Variants in MDGA2 observed in about 807,000 individuals in gnomAD.
The protein encoded by MDGA2 is MAM domain-containing glycosylphosphatidylinositol anchor protein 2.
MDGA2 carries 40 observed loss-of-function variants against 117.8 expected under a neutral mutation model. The ratio of observed to expected loss-of-function variants is 0.34; its 90% CI spans 0.26 to 0.44. The LOEUF (loss-of-function observed/expected upper bound fraction) is 0.44, where lower values mean the gene tolerates loss of function less well. Among genes scored for constraint, MDGA2 ranks in the 20% least tolerant of loss-of-function variants. MDGA2 has a pLI of 1.00. For missense variants in MDGA2, 1,123 were observed against 1,250.6 expected, an observed-to-expected ratio of 0.90 and a Z score of 1.54; for synonymous variants, 452 against 439.0, an observed-to-expected ratio of 1.03 and a Z score of -0.37.
At chr14:46,924,741 C>G (rs180859953) in intron 9 of MDGA2, among the ~76,000 whole-genome samples, 4 of 151,770 alleles carry the variant, frequency 2.6e-5, no homozygotes, top group Admixed American at 6.6e-5. Context: ...ATAATTGACT[C>G]AAAACAAGAA....
chr14:46,918,901 A>G (rs1462760373), intron 10 of MDGA2, among the ~76,000 whole-genome samples: 1 of 151,732 alleles, frequency 6.6e-6, no homozygotes, highest in Non-Finnish European at 1.5e-5. Flanking sequence ...AGCTGGGACT[A>G]CAGGCGCCCG....
intron 16 of MDGA2, 73 bp downstream of exon 16, chr14:46,845,693 T>C: frequency 1.1e-6 from 1 of 905,128 alleles, no homozygotes; most frequent in Non-Finnish European, 1.6e-6. Flanking sequence ...TAAAATTAAT[T>C]AAATTAAATG....
rs562241978 is a variant in MDGA2 at position 46,911,456 on chromosome 14, C to A, written c.2238+8556G>T. Among the ~76,000 whole-genome samples, 20 of 152,276 alleles carry A rather than the reference C, an allele frequency of 1.3e-4. No individual in the cohort carries two copies. In the South Asian group the frequency reaches 4.1e-3, roughly 32 times the overall value. The stretch of plus-strand genomic sequence containing the variant: ...ATTGTTTCAGCTATTTTAGTTAAAT[C>A]TTTTAAATGTTGAAAAGCAGTCAGG... On this transcript the variant is annotated intron_variant, in intron 10 of 16. Coordinates refer to ENST00000399232, the MANE Select transcript of MDGA2 (RefSeq NM_001113498.3).
intron 7 of MDGA2, among the ~76,000 whole-genome samples, chr14:47,051,478 T>A (rs1566593977): frequency 6.6e-6 from 1 of 151,914 alleles, no homozygotes; most frequent in Non-Finnish European, 1.5e-5. Flanking sequence ...ACCTCACTGA[T>A]ATCTAACAAT....
At chr14:47,351,078 A>ATTTTTTCTTT (rs1890868180) in intron 1 of MDGA2, among the ~76,000 whole-genome samples, 1 of 127,948 alleles carries the variant, frequency 7.8e-6, no homozygotes, top group Non-Finnish European at 1.7e-5. Flanking sequence ...GGCCCGGCTA[A>ATTTTTTCTTT]TTTTTTTTTT....
At chr14:47,455,739 G>A (rs1594865792) in intron 1 of MDGA2, among the ~76,000 whole-genome samples, 1 of 146,370 alleles carries the variant, frequency 6.8e-6, no homozygotes, top group Non-Finnish European at 1.5e-5. Flanking sequence ...GCTCACGCCT[G>A]TAATCCCAGC....
chr14:47,264,177 C>CCATCTGAGTT (rs1455828863), intron 2 of MDGA2, among the ~76,000 whole-genome samples: 2 of 152,134 alleles, frequency 1.3e-5, no homozygotes, highest in African/African-American at 4.8e-5. Flanking sequence ...CTTCTGAGAC[C>CCATCTGAGTT]CATCTATAAT....
At chr14:47,097,665 A>G (rs1880055639) in intron 5 of MDGA2, among the ~76,000 whole-genome samples, 1 of 151,996 alleles carries the variant, frequency 6.6e-6, no homozygotes, top group Non-Finnish European at 1.5e-5. Flanking sequence ...CGAAAGAAAA[A>G]AATAAAATCA....
At chr14:47,166,381 G>T (rs1883879038) in intron 3 of MDGA2, among the ~76,000 whole-genome samples, 1 of 151,978 alleles carries the variant, frequency 6.6e-6, no homozygotes, top group African/African-American at 2.4e-5. Flanking sequence ...ACTTTCAAAA[G>T]ATTTAATACC....
At chr14:47,450,852 G>A (rs1893227604) in intron 1 of MDGA2, among the ~76,000 whole-genome samples, 1 of 152,038 alleles carries the variant, frequency 6.6e-6, no homozygotes, top group African/African-American at 2.4e-5. Flanking sequence ...GAGAACTGAA[G>A]GACTTGCTTT....
At chr14:47,518,630 A>G (rs1894804581) in intron 1 of MDGA2, among the ~76,000 whole-genome samples, 1 of 152,170 alleles carries the variant, frequency 6.6e-6, no homozygotes, top group African/African-American at 2.4e-5. Flanking sequence ...CTAATATTCT[A>G]TAACATTAGA....
At chr14:46,942,805 A>G (rs1885044761) in intron 9 of MDGA2, among the ~76,000 whole-genome samples, 2 of 152,094 alleles carry the variant, frequency 1.3e-5, no homozygotes, top group Admixed American at 1.3e-4. Context: ...GTTGATGGAT[A>G]TTTGGATTGT....
intron 2 of MDGA2, among the ~76,000 whole-genome samples, chr14:47,269,624 T>G (rs1369143510): frequency 6.6e-6 from 1 of 152,192 alleles, no homozygotes; most frequent in Non-Finnish European, 1.5e-5. Flanking sequence ...GATCCTTGCT[T>G]CATTAAAGTA....
intron 3 of MDGA2, among the ~76,000 whole-genome samples, chr14:47,163,288 A>G (rs1883718038): frequency 1.3e-5 from 2 of 152,040 alleles, no homozygotes; most frequent in Non-Finnish European, 2.9e-5. Context: ...TTCCCAACCT[A>G]CCTCTACTAT....
intron 6 of MDGA2, among the ~76,000 whole-genome samples, chr14:47,069,810 T>C (rs1447443365): frequency 6.6e-6 from 1 of 152,206 alleles, no homozygotes; most frequent in Non-Finnish European, 1.5e-5. Flanking sequence ...ATATATGTTT[T>C]CATTTTAACA....
At chr14:47,178,912 C>A (rs1389575319) in intron 3 of MDGA2, among the ~76,000 whole-genome samples, 1 of 152,032 alleles carries the variant, frequency 6.6e-6, no homozygotes, top group African/African-American at 2.4e-5. Context: ...GTACCTTATA[C>A]TTGTAGGTAT....
At chr14:47,252,798 C>A (rs1163757825) in intron 2 of MDGA2, among the ~76,000 whole-genome samples, 1 of 152,102 alleles carries the variant, frequency 6.6e-6, no homozygotes, top group Admixed American at 6.6e-5. Context: ...AACATGTACA[C>A]GTGTATTAGT....
intron 1 of MDGA2, among the ~76,000 whole-genome samples, chr14:47,317,180 C>T (rs1041634305): frequency 9.2e-5 from 14 of 151,970 alleles, no homozygotes; most frequent in Admixed American, 3.3e-4. Context: ...AATATTTCTG[C>T]GCCTACATTA....
rs1880921148 is a variant in MDGA2 at position 46,848,258 on chromosome 14, A to G, written c.2884-2387T>C. 2.0e-5 allele frequency among the ~76,000 whole-genome samples: 3 copies of G among 152,174 alleles called. No homozygotes were observed. In the South Asian group the frequency reaches 6.2e-4, roughly 32 times the overall value. ...TGAAGCCAAAACAAAATTGCAGTAC[A>G]TGGATTTCCTATCTTAGCTATGTAA... On this transcript the variant is annotated intron_variant, in intron 15 of 16. Transcript: ENST00000399232.
Sources: gnomAD v4.1 joint callset for allele counts (sites outside exome capture counted in the v4.1 genomes callset) on GRCh38, gnomAD v4.1.1 for gene constraint, MANE v1.5 for transcripts, NCBI Gene and HGNC (gene_info 2026-07-23, HGNC 2026-07-21) for gene names.